The following GOLGB1 variants were observed in gnomAD, a reference collection of about 807,000 sequenced individuals.
GOLGB1 encodes the protein golgin subfamily B member 1.
GOLGB1 carries 174 observed loss-of-function variants against 336.9 expected under a neutral mutation model. That is an observed-to-expected ratio of 0.52 (90% confidence interval 0.46 to 0.59). The LOEUF is 0.59. GOLGB1 is among the 20% of genes least tolerant of loss of function. GOLGB1 has a pLI of 0.00. For missense variants in GOLGB1, 3,331 were observed against 3,645.3 expected (o/e 0.91, Z 2.22); for synonymous variants, 1,208 against 1,289.2 (o/e 0.94, Z 1.35).
intron 10 of GOLGB1, among the ~76,000 whole-genome samples, chr3:121,712,540 A>G (rs971643078): frequency 3.0e-4 from 45 of 152,216 alleles, no homozygotes; most frequent in African/African-American, 1.1e-3. Context: ...ACAGCATGGG[A>G]GAAAATATTC....
intron 10 of GOLGB1, among the ~76,000 whole-genome samples, chr3:121,706,974 A>G (rs1195865472): frequency 6.6e-6 from 1 of 151,768 alleles, no homozygotes; most frequent in East Asian, 1.9e-4. Flanking sequence ...GCACTTTGGG[A>G]GGCCGAGGCG....
At chr3:121,712,636 T>A (rs1218458531) in intron 10 of GOLGB1, among the ~76,000 whole-genome samples, 1 of 152,124 alleles carries the variant, frequency 6.6e-6, no homozygotes, top group Non-Finnish European at 1.5e-5. Flanking sequence ...AATTTAAGAA[T>A]GGGGAAATGA....
intron 10 of GOLGB1, among the ~76,000 whole-genome samples, chr3:121,709,693 T>G (rs1944181540): frequency 6.6e-6 from 1 of 152,152 alleles, no homozygotes; most frequent in African/African-American, 2.4e-5. Flanking sequence ...TGTGTTAACT[T>G]TAAATGTTCA....
intron 14 of GOLGB1, 122 bp downstream of exon 14, chr3:121,690,548 T>C: frequency 2.0e-6 from 1 of 504,042 alleles, no homozygotes; most frequent in Non-Finnish European, 3.3e-6. Flanking sequence ...GGATACATAA[T>C]ACTTTCCCTG....
In GOLGB1 at chr3:121,668,158, C is replaced by A; in HGVS notation, c.9322G>T (p.Gly3108Trp). The change falls in exon 19 of 22, where the codon GGG becomes TGG. Residue 3108 changes from glycine to tryptophan, a missense_variant and splice_region_variant. Physicochemically the swap from Gly to Trp is radical, Grantham distance 184 (BLOSUM62 -2). Coordinates refer to ENST00000614479, the MANE Select transcript of GOLGB1 (RefSeq NM_001366282.2). The part of the protein sequence containing the change: ...LEKQVQELQA[G>W]PLNIDVAPGA... ...GGAGCAACATCTATATTTAGTGGCC[C>A]CTGGAAGAAGAATAAGCTTAGTAAT... 4 of 1,556,888 alleles carry A rather than the reference C, an allele frequency of 2.6e-6. No individual in the cohort carries two copies. Among genetic ancestry groups the A allele is most frequent in the Non-Finnish European group, 3.5e-6 (4 of 1,136,028 alleles).
At chr3:121,712,216 T>A (rs1944411232) in intron 10 of GOLGB1, among the ~76,000 whole-genome samples, 1 of 152,108 alleles carries the variant, frequency 6.6e-6, no homozygotes, top group African/African-American at 2.4e-5. Context: ...GAAAGTAAAG[T>A]CTCCTTACGA....
intron 10 of GOLGB1, among the ~76,000 whole-genome samples, chr3:121,704,644 C>T (rs1943663103): frequency 6.6e-6 from 1 of 151,882 alleles, no homozygotes; most frequent in Admixed American, 6.6e-5. Context: ...GGCGTGGTGA[C>T]TCACGCCTGT....
At chr3:121,715,811 G>A (rs1164860534) in intron 9 of GOLGB1, among the ~76,000 whole-genome samples, 2 of 152,022 alleles carry the variant, frequency 1.3e-5, no homozygotes, top group African/African-American at 2.4e-5. Context: ...TGACCAACAC[G>A]GAGAAGCCCT....
At position 121,730,875 on chromosome 3, in the gene GOLGB1, C is replaced by T. The variant is rs768326861; in HGVS notation, c.96+1G>A. 5 of 1,608,936 alleles carry T rather than the reference C, an allele frequency of 3.1e-6. No homozygotes were observed. The highest frequency in any genetic ancestry group is 2.2e-5 in the South Asian group (2 of 90,368). On this transcript the variant is annotated splice_donor_variant, in intron 2 of 21. Transcript: ENST00000614479. LOFTEE classifies it high-confidence loss of function. ...GTTTAAATCAGAACAGAACTACTCACAGGGTCTAGGGGAGCCCTCATATTC... is the reference window on the plus strand; with the variant it reads ...GTTTAAATCAGAACAGAACTACTCATAGGGTCTAGGGGAGCCCTCATATTC...
intron 10 of GOLGB1, among the ~76,000 whole-genome samples, chr3:121,707,113 G>A (rs962252070): frequency 4.6e-5 from 7 of 151,164 alleles, no homozygotes; most frequent in Non-Finnish European, 8.8e-5. Context: ...TGTAGTCCCA[G>A]CTACTCGGGA....
In GOLGB1 at chr3:121,697,199, A is replaced by G. The variant is rs747853883; in HGVS notation, c.3324T>C (p.Asp1108=). 5.0e-6 allele frequency: 8 copies of G among 1,613,846 alleles called. No homozygotes were observed. The highest frequency in any genetic ancestry group is 3.3e-5 in the South Asian group (3 of 91,074). The change falls in exon 13 of 22, where the codon GAT becomes GAC. Residue 1108 remains aspartate, a synonymous_variant. Coordinates refer to ENST00000614479, the MANE Select transcript of GOLGB1 (RefSeq NM_001366282.2). ...LVKQMNQTLQ[D]KTNQIDLLQA... ...GGAGCAAATCTATTTGGTTTGTTTT[A>G]TCTTGCAAGGTCTGATTCATCTGTT... is the stretch of plus-strand genomic sequence containing the variant.
In GOLGB1 at chr3:121,730,946, G is replaced by C. The variant is rs531314291; in HGVS notation, c.26C>G (p.Ala9Gly). Residue 9 changes from alanine (A) to glycine (G), a missense_variant, in exon 2 of 22, where the codon GCA (alanine) becomes GGA (glycine). By Grantham distance (60) the Ala-to-Gly change is moderately conservative. Transcript: ENST00000614479. MLSRLSGL[A>G]NVVLHELSGD... ...TGATAATTCATGCAAAACAACATTTGCTAATCCTGATAATCGGCTCAGCAT... is the reference window on the plus strand; with the variant it reads ...TGATAATTCATGCAAAACAACATTTCCTAATCCTGATAATCGGCTCAGCAT... 1.2e-5 allele frequency: 19 copies of C among 1,612,890 alleles called. No homozygotes were observed. Among genetic ancestry groups the C allele is most frequent in the Non-Finnish European group, 1.4e-5 (17 of 1,179,694 alleles).
In GOLGB1 at chr3:121,664,949, G is replaced by A. The variant is rs776068176; in HGVS notation, c.9637C>T (p.Leu3213Phe). Residue 3213 changes from leucine to phenylalanine, a missense_variant, in exon 21 of 22, where the codon CTT becomes TTT. Coordinates refer to ENST00000614479, the MANE Select transcript of GOLGB1 (RefSeq NM_001366282.2). Reference sequence around the variant, plus strand: ...ACCCTTCGACAACTGTTGCTTGTAAGATCTATTAACAGTGCCTGCTCCTGA... The same window carrying A: ...ACCCTTCGACAACTGTTGCTTGTAAAATCTATTAACAGTGCCTGCTCCTGA... ...GTQEQALLID[L>F]TSNSCRRTRS... The A allele has an allele frequency of 1.2e-6, 2 of 1,600,630 alleles. No individual in the cohort carries two copies. Among genetic ancestry groups the A allele is most frequent in the South Asian group, 2.2e-5 (2 of 90,764 alleles).
At chr3:121,677,202 TA>T (rs3835145) in intron 16 of GOLGB1, 82 bp downstream of exon 16, 911 of 1,134,350 alleles carry the variant, frequency 8.0e-4, no homozygotes, top group Non-Finnish European at 9.5e-4. Flanking sequence ...GGTAGCGTCT[TA>T]AAAAAAAAAC....
chr3:121,743,580 T>C (rs1292941860), intron 1 of GOLGB1, among the ~76,000 whole-genome samples: 4 of 152,230 alleles, frequency 2.6e-5, no homozygotes, highest in Admixed American at 2.0e-4. Context: ...ACCTGCACGT[T>C]GTGCACATGT....
Position 121,693,743 on chromosome 3 carries a change from G to A in GOLGB1, c.6780C>T (p.Ser2260=). The A allele has an allele frequency of 1.9e-6, 3 of 1,592,570 alleles. No homozygotes were observed. In the South Asian group the frequency reaches 3.4e-5, roughly 18 times the overall value. The part of the protein sequence containing the change: ...IHMEELKINI[S]RLEHDKQIWE... ...GGAAAAATTCACTACTCATTTACCT[G>A]GAAATGTTAATCTTTAATTCTTCCA... is the stretch of plus-strand genomic sequence containing the variant. Residue 2260 remains serine (S), a splice_region_variant and synonymous_variant, in exon 13 of 22, where the codon TCC becomes TCT. Coordinates refer to ENST00000614479, the MANE Select transcript of GOLGB1 (RefSeq NM_001366282.2).
chr3:121,694,698 A>G lies in GOLGB1; in HGVS notation c.5825T>C (p.Ile1942Thr). Residue 1942 changes from isoleucine (I) to threonine (T), a missense_variant, in exon 13 of 22, where the codon ATT becomes ACT. Coordinates refer to ENST00000614479, the MANE Select transcript of GOLGB1 (RefSeq NM_001366282.2). ...MNQLAELNGS[I>T]GNYCQDVTDA... ...TGTAACATCCTGACAGTAATTCCCAATGCTTCCATTAAGTTCTGCTAATTG... is the reference window on the plus strand; with the variant it reads ...TGTAACATCCTGACAGTAATTCCCAGTGCTTCCATTAAGTTCTGCTAATTG... 4.3e-6 allele frequency: 7 copies of G among 1,611,904 alleles called. No individual in the cohort carries two copies. The highest frequency in any genetic ancestry group is 1.1e-5 in the South Asian group (1 of 91,044).
chr3:121,682,481 T>C (rs1043343063), intron 14 of GOLGB1, among the ~76,000 whole-genome samples: 1 of 152,172 alleles, frequency 6.6e-6, no homozygotes, highest in Non-Finnish European at 1.5e-5. Context: ...AAGATAATTA[T>C]AGTACCTTTT....
chr3:121,697,619 A>C lies in GOLGB1; in HGVS notation c.2904T>G (p.Tyr968Ter). 1.9e-6 allele frequency: 3 copies of C among 1,612,882 alleles called. No individual in the cohort carries two copies. The highest frequency in any genetic ancestry group is 2.5e-6 in the Non-Finnish European group (3 of 1,179,848). ...TTTGTCCTGCTGGGCTCATCTCATC[A>C]TAATTTTGTTTAAGGCCAGAAGAAA... ...NEVSSGLKQN[Y>*]DEMSPAGQIS... is the part of the protein sequence containing the mutation. The change falls in exon 13 of 22, where the codon TAT becomes TAG. Residue 968 changes from tyrosine to a stop codon, truncating the protein, a stop_gained. Transcript: ENST00000614479. LOFTEE classifies it high-confidence loss of function.
Sources: allele counts gnomAD v4.1 joint callset (sites outside exome capture counted in the v4.1 genomes callset), GRCh38; gene constraint gnomAD v4.1.1; transcripts MANE v1.5; gene names NCBI Gene and HGNC (gene_info 2026-07-23, HGNC 2026-07-21).